Variants in CAMTA1 observed in about 807,000 individuals in gnomAD.
CAMTA1 encodes calmodulin-binding transcription activator 1.
A neutral mutation model predicts 170.9 loss-of-function variants in CAMTA1; 27 were observed. The ratio of observed to expected loss-of-function variants is 0.16; its 90% CI spans 0.12 to 0.22. The LOEUF is 0.22. Ranked by LOEUF, CAMTA1 falls within the 10% of genes least tolerant of loss-of-function variation. CAMTA1 has a pLI of 1.00. For missense variants in CAMTA1, 1,619 were observed against 2,217.2 expected (o/e 0.73, Z 5.42); for synonymous variants, 833 against 891.5 (o/e 0.93, Z 1.17).
chr1:7,434,315 C>T (rs1420402291), intron 5 of CAMTA1, among the ~76,000 whole-genome samples: 1 of 152,228 alleles, frequency 6.6e-6, no homozygotes, highest in Non-Finnish European at 1.5e-5. Context: ...GTAAGGACAG[C>T]TCCCTCAGCC....
At chr1:7,494,596 G>A (rs536168706) in intron 6 of CAMTA1, among the ~76,000 whole-genome samples, 33 of 152,244 alleles carry the variant, frequency 2.2e-4, no homozygotes, top group South Asian at 8.3e-4. Flanking sequence ...TTGAGGTCAG[G>A]AGCTCAAGAC....
At chr1:6,794,305 G>C (rs1274419430) in intron 1 of CAMTA1, among the ~76,000 whole-genome samples, 1 of 152,186 alleles carries the variant, frequency 6.6e-6, no homozygotes, top group East Asian at 1.9e-4. Flanking sequence ...TATTTAAAAA[G>C]ATTCAAGAGA....
intron 3 of CAMTA1, among the ~76,000 whole-genome samples, chr1:7,088,130 T>A (rs1314384079): frequency 6.6e-6 from 1 of 152,124 alleles, no homozygotes; most frequent in Non-Finnish European, 1.5e-5. Flanking sequence ...GAGTCCATCT[T>A]TGGGGCCCAG....
intron 6 of CAMTA1, among the ~76,000 whole-genome samples, chr1:7,491,217 G>T (rs1007294001): frequency 2.0e-5 from 3 of 152,046 alleles, no homozygotes; most frequent in Non-Finnish European, 2.9e-5. Context: ...CACCTGAGCC[G>T]CACTCACCAA....
intron 4 of CAMTA1, among the ~76,000 whole-genome samples, chr1:7,107,225 C>G (rs1004352844): frequency 6.6e-6 from 1 of 151,480 alleles, no homozygotes; most frequent in Admixed American, 6.6e-5. Flanking sequence ...GAGAAGTTCC[C>G]AGACGGCACA....
In CAMTA1 at chr1:7,751,376, G is replaced by C; in HGVS notation, c.4867G>C (p.Val1623Leu). 1.3e-6 allele frequency: 2 copies of C among 1,596,338 alleles called. No individual in the cohort carries two copies. The highest frequency in any genetic ancestry group is 1.7e-6 in the Non-Finnish European group (2 of 1,174,286). Reference sequence around the variant, plus strand: ...GCAGGCTCGCCGGACGGCTGTGATTGTACAACAGAAACTCAGGTGGGTGGA... The same window carrying C: ...GCAGGCTCGCCGGACGGCTGTGATTCTACAACAGAAACTCAGGTGGGTGGA... ...RRQARRTAVI[V>L]QQKLRSSLLT... The change falls in exon 20 of 23, where the codon GTA becomes CTA. Residue 1623 changes from valine to leucine, a missense_variant. Physicochemically the swap from Val to Leu is conservative, Grantham distance 32. This residue lies in a region of CAMTA1 where 128 missense variants were observed against 213.5 expected (regional missense o/e 0.60). Coordinates refer to ENST00000303635, the MANE Select transcript of CAMTA1 (RefSeq NM_015215.4).
intron 5 of CAMTA1, among the ~76,000 whole-genome samples, chr1:7,257,134 T>C (rs1437497830): frequency 6.6e-6 from 1 of 151,898 alleles, no homozygotes; most frequent in Non-Finnish European, 1.5e-5. Flanking sequence ...TTTTCAGTCT[T>C]CTTAAGGCTC....
At chr1:7,121,934 C>G (rs572123250) in intron 4 of CAMTA1, among the ~76,000 whole-genome samples, 19 of 152,136 alleles carry the variant, frequency 1.2e-4, no homozygotes, top group South Asian at 1.2e-3. Context: ...CCCTCTTCCT[C>G]TCTCTGATGT....
chr1:7,320,649 GTTTTTTTTTTTT>G (rs55683398), intron 5 of CAMTA1, among the ~76,000 whole-genome samples: 1 of 80,292 alleles, frequency 1.2e-5, no homozygotes, highest in Non-Finnish European at 2.4e-5. Flanking sequence ...TGCTGTGTGT[GTTTTTTTTTTTT>G]TTTTTTTTTT....
chr1:7,524,848 T>A lies in CAMTA1; in HGVS notation c.510+56947T>A, dbSNP rs2150001026. Among the ~76,000 whole-genome samples, 2 of 152,212 alleles carry A rather than the reference T, an allele frequency of 1.3e-5. 1 individual carries two copies. Among genetic ancestry groups the A allele is most frequent in the South Asian group, 4.2e-4 (2 of 4,812 alleles). ...AGGTTTTTGACTCGCAATCCTGTCC[T>A]CTACCCCACCGATCCCTCTCCCCTT... On this transcript the variant is annotated intron_variant, in intron 6 of 22. Coordinates refer to ENST00000303635, the MANE Select transcript of CAMTA1 (RefSeq NM_015215.4).
intron 3 of CAMTA1, among the ~76,000 whole-genome samples, chr1:6,954,679 G>A (rs895728897): frequency 2.0e-5 from 3 of 152,178 alleles, no homozygotes; most frequent in African/African-American, 7.2e-5. Flanking sequence ...CTCTGAGCTC[G>A]GGGGAGCCCG....
At chr1:7,671,413 A>G (rs748774629) in intron 10 of CAMTA1, among the ~76,000 whole-genome samples, 3 of 152,212 alleles carry the variant, frequency 2.0e-5, no homozygotes, top group Non-Finnish European at 4.4e-5. Context: ...CCACCTCTGC[A>G]GCAAGGCGGC....
At chr1:6,967,377 C>G (rs1196611385) in intron 3 of CAMTA1, among the ~76,000 whole-genome samples, 1 of 152,026 alleles carries the variant, frequency 6.6e-6, no homozygotes, top group Non-Finnish European at 1.5e-5. Context: ...GGGGGTGGAA[C>G]TGCGTTTCCT....
chr1:7,181,821 AG>A (rs1444385862), intron 4 of CAMTA1, among the ~76,000 whole-genome samples: 12 of 151,970 alleles, frequency 7.9e-5, no homozygotes, highest in African/African-American at 2.9e-4. Context: ...TCCCAGAGAA[AG>A]TATCAGTAAG....
At chr1:6,996,875 T>C (rs1697341437) in intron 3 of CAMTA1, among the ~76,000 whole-genome samples, 1 of 152,204 alleles carries the variant, frequency 6.6e-6, no homozygotes, top group South Asian at 2.1e-4. Flanking sequence ...CAAGAGCTAC[T>C]TCTCCATGAT....
chr1:7,509,413 A>G (rs1301000230), intron 6 of CAMTA1, among the ~76,000 whole-genome samples: 1 of 152,162 alleles, frequency 6.6e-6, no homozygotes, highest in East Asian at 1.9e-4. Flanking sequence ...GAGAGAAAAC[A>G]CCGTGACACG....
At chr1:6,889,682 A>G (rs919760139) in intron 3 of CAMTA1, among the ~76,000 whole-genome samples, 4 of 152,236 alleles carry the variant, frequency 2.6e-5, no homozygotes, top group Non-Finnish European at 4.4e-5. Flanking sequence ...TTTTTAAAGC[A>G]AAGGAGAAAT....
chr1:7,705,333 G>T (rs1372047957), intron 11 of CAMTA1, among the ~76,000 whole-genome samples: 3 of 151,412 alleles, frequency 2.0e-5, no homozygotes, highest in African/African-American at 4.8e-5. Flanking sequence ...TGGGGCCCGG[G>T]GCCGTGTGTC....
At chr1:7,119,241 G>C (rs550601488) in intron 4 of CAMTA1, among the ~76,000 whole-genome samples, 3 of 152,236 alleles carry the variant, frequency 2.0e-5, no homozygotes, top group Admixed American at 2.0e-4. Context: ...CCAATCAAGA[G>C]CCACTGCGGC....
Sources: allele counts gnomAD v4.1 joint callset (sites outside exome capture counted in the v4.1 genomes callset), GRCh38; gene constraint gnomAD v4.1.1; regional missense constraint gnomAD v4.1.1; transcripts MANE v1.5; gene names NCBI Gene and HGNC (gene_info 2026-07-23, HGNC 2026-07-21).